NETO1: variants seen among roughly 807,000 people sequenced by gnomAD.
The protein encoded by NETO1 is neuropilin and tolloid-like protein 1.
Under a neutral mutation model 61.3 loss-of-function variants are expected in NETO1, and 26 were observed. The observed-to-expected ratio is 0.42, with a 90% confidence interval of 0.31 to 0.59. The LOEUF (loss-of-function observed/expected upper bound fraction) is 0.59. Ranked by LOEUF, NETO1 falls within the 20% of genes least tolerant of loss-of-function variation. NETO1 has a pLI of 0.12. For synonymous variants in NETO1, 225 were observed against 225.8 expected (o/e 1.00, Z 0.03); for missense variants, 531 against 662.8 (o/e 0.80, Z 2.18).
intron 4 of NETO1, among the ~76,000 whole-genome samples, chr18:72,838,389 T>C (rs2073822444): frequency 6.6e-6 from 1 of 152,176 alleles, no homozygotes; most frequent in Admixed American, 6.5e-5. Flanking sequence ...TCTTGTGACA[T>C]CTCTAGGTTT....
intron 4 of NETO1, among the ~76,000 whole-genome samples, chr18:72,855,141 T>C (rs2074377441): frequency 6.6e-6 from 1 of 152,226 alleles, no homozygotes; most frequent in Non-Finnish European, 1.5e-5. Flanking sequence ...ACTTTTAACA[T>C]TCTTGGTGAT....
At chr18:72,843,181 G>A (rs1229700587) in intron 4 of NETO1, among the ~76,000 whole-genome samples, 2 of 152,068 alleles carry the variant, frequency 1.3e-5, no homozygotes, top group Non-Finnish European at 2.9e-5. Context: ...TATTTTACCC[G>A]TTCTTATGCC....
At chr18:72,857,035 C>T (rs1368514114) in intron 4 of NETO1, among the ~76,000 whole-genome samples, 1 of 151,794 alleles carries the variant, frequency 6.6e-6, no homozygotes, top group African/African-American at 2.4e-5. Context: ...TAGATGGTTA[C>T]GTCACTCAGG....
intron 4 of NETO1, among the ~76,000 whole-genome samples, chr18:72,857,536 T>A (rs67919676): frequency 0.11 from 16,675 of 152,196 alleles, 1,222 homozygotes; most frequent in African/African-American, 0.2. Flanking sequence ...ATATAACTTA[T>A]GAAACCTAGA....
At chr18:72,822,437 C>A (rs780777747) in intron 4 of NETO1, among the ~76,000 whole-genome samples, 5 of 152,164 alleles carry the variant, frequency 3.3e-5, no homozygotes, top group African/African-American at 9.7e-5. Context: ...GCACCGCCAC[C>A]GTCCCGTCCC....
intron 4 of NETO1, among the ~76,000 whole-genome samples, chr18:72,815,899 T>C (rs2073016469): frequency 6.6e-6 from 1 of 152,086 alleles, no homozygotes. Context: ...ACAGGAAATA[T>C]CCACAATAGA....
chr18:72,807,003 A>C (rs920408280), intron 4 of NETO1, among the ~76,000 whole-genome samples: 7 of 152,200 alleles, frequency 4.6e-5, no homozygotes, highest in Non-Finnish European at 4.4e-5. Flanking sequence ...TCATTTGAAC[A>C]AACTTTAAGT....
chr18:72,845,682 C>T (rs2074060697), intron 4 of NETO1, among the ~76,000 whole-genome samples: 1 of 152,122 alleles, frequency 6.6e-6, no homozygotes, highest in Admixed American at 6.5e-5. Context: ...TTTTTCCCTT[C>T]TGGGGAAGTA....
At chr18:72,827,048 C>G (rs1258411453) in intron 4 of NETO1, among the ~76,000 whole-genome samples, 1 of 151,178 alleles carries the variant, frequency 6.6e-6, no homozygotes, top group African/African-American at 2.4e-5. Flanking sequence ...CTGGGTCTGC[C>G]CAAGGATCCC....
intron 4 of NETO1, among the ~76,000 whole-genome samples, chr18:72,842,006 T>C (rs756399646): frequency 4.6e-5 from 7 of 152,154 alleles, no homozygotes; most frequent in Admixed American, 2.0e-4. Context: ...ATGATGCTAT[T>C]TTTCCACTTA....
At chr18:72,863,340 T>G (rs2074637792) in intron 3 of NETO1, among the ~76,000 whole-genome samples, 1 of 152,198 alleles carries the variant, frequency 6.6e-6, no homozygotes, top group Admixed American at 6.5e-5. Flanking sequence ...GAAATGAAGG[T>G]GAGCATCTCT....
At chr18:72,812,650 G>T (rs1160849531) in intron 4 of NETO1, among the ~76,000 whole-genome samples, 1 of 151,934 alleles carries the variant, frequency 6.6e-6, no homozygotes, top group African/African-American at 2.4e-5. Flanking sequence ...CCAATCATTT[G>T]TTCCACCTAG....
In NETO1 at chr18:72,781,915, C is replaced by T. The variant is rs183013566; in HGVS notation, c.868+1763G>A. Among the ~76,000 whole-genome samples the T allele has an allele frequency of 2.9e-3, 439 of 152,108 alleles. 2 individuals carry two copies. Among genetic ancestry groups the T allele is most frequent in the Non-Finnish European group, 4.8e-3 (324 of 67,986 alleles). On this transcript the variant is annotated intron_variant, in intron 7 of 10. Transcript: ENST00000327305. ...TACTATGTAGGTAAAATGTGTGTCACGGGAGTTTGGTGTACAAATTATTTC... is the reference window on the plus strand; with the variant it reads ...TACTATGTAGGTAAAATGTGTGTCATGGGAGTTTGGTGTACAAATTATTTC...
chr18:72,825,371 T>C (rs1039571366), intron 4 of NETO1, among the ~76,000 whole-genome samples: 3 of 152,188 alleles, frequency 2.0e-5, no homozygotes, highest in Non-Finnish European at 4.4e-5. Context: ...TGGCAAAAAG[T>C]GTTGATAACC....
chr18:72,776,765 T>C (rs1423152231), intron 7 of NETO1, among the ~76,000 whole-genome samples: 2 of 152,060 alleles, frequency 1.3e-5, no homozygotes, highest in African/African-American at 4.8e-5. Flanking sequence ...TCTCACCATA[T>C]ATATTTTGAG....
At chr18:72,811,052 G>A (rs2072850797) in intron 4 of NETO1, among the ~76,000 whole-genome samples, 1 of 152,134 alleles carries the variant, frequency 6.6e-6, no homozygotes, top group African/African-American at 2.4e-5. Flanking sequence ...ATTATTCTTT[G>A]TAAAATCTCT....
rs372318550 is a variant in NETO1 at position 72,794,280 on chromosome 18, G to A, written c.512-36C>T. 8 of 1,613,690 alleles carry A rather than the reference G, an allele frequency of 5.0e-6. No individual in the cohort carries two copies. The South Asian group carries it at 8.8e-5, about 18-fold the overall frequency. ...AAATGCCAAACAAACACACAAAAAC[G>A]GAGCTTGAATAATAAACCAAAAGTG... On this transcript the variant is annotated intron_variant, in intron 5 of 10. Transcript: ENST00000327305.
intron 10 of NETO1, among the ~76,000 whole-genome samples, chr18:72,748,774 A>T (rs2070491773): frequency 6.6e-6 from 1 of 152,078 alleles, no homozygotes; most frequent in African/African-American, 2.4e-5. Flanking sequence ...CGTCCTTCTA[A>T]ATTACATTTT....
chr18:72,826,911 A>G (rs2145351444), intron 4 of NETO1, among the ~76,000 whole-genome samples: 1 of 152,254 alleles, frequency 6.6e-6, no homozygotes, highest in African/African-American at 2.4e-5. Flanking sequence ...ACTGAAGATC[A>G]ACCCATTTCT....
Sources: allele counts gnomAD v4.1 joint callset (sites outside exome capture counted in the v4.1 genomes callset), GRCh38; gene constraint gnomAD v4.1.1; transcripts MANE v1.5; gene names NCBI Gene and HGNC (gene_info 2026-07-23, HGNC 2026-07-21).